NCOA2: variants seen among roughly 807,000 people sequenced by gnomAD.
NCOA2 encodes the protein nuclear receptor coactivator 2.
A neutral mutation model predicts 145.1 loss-of-function variants in NCOA2; 21 were observed. That is an observed-to-expected ratio of 0.14 (90% CI 0.10 to 0.21). The LOEUF is 0.21. Among genes scored for constraint, NCOA2 ranks in the 10% least tolerant of loss-of-function variants. The pLI, the probability that NCOA2 is intolerant of heterozygous loss-of-function variation, is 1.00. For synonymous variants in NCOA2, 619 were observed against 637.5 expected (o/e 0.97, Z 0.44); for missense variants, 1,472 against 1,837.6 (o/e 0.80, Z 3.64).
chr8:70,293,686 G>C (rs574133925), intron 2 of NCOA2, among the ~76,000 whole-genome samples: 30 of 152,268 alleles, frequency 2.0e-4, no homozygotes, highest in African/African-American at 7.0e-4. Context: ...TGTAGTGAAA[G>C]GAAAATTACA....
At chr8:70,403,847 C>CCCTCCTCCTCCTCCTCCT (rs528610374), upstream of NCOA2, 278 of 376,564 alleles carry the variant, frequency 7.4e-4, 3 homozygotes, top group South Asian at 5.1e-3. Context: ...TCCCCCAACT[C>CCCTCCTCCTCCTCCTCCT]CCTCCTCCTC....
chr8:70,318,460 G>A (rs1369828435), intron 1 of NCOA2, among the ~76,000 whole-genome samples: 1 of 151,982 alleles, frequency 6.6e-6, no homozygotes, highest in African/African-American at 2.4e-5. Flanking sequence ...TTCTCCTCCT[G>A]CTCAGTGCTC....
Position 70,126,504 on chromosome 8 carries a change from T to C in NCOA2, c.3916+309A>G, listed in dbSNP as rs1808425688. 1.1e-5 allele frequency: 4 copies of C among 356,292 alleles called. No individual in the cohort carries two copies. In the South Asian group the frequency reaches 2.7e-4, roughly 24 times the overall value. The allele number at this position is 356,292 out of a possible 1,614,324, so 22.1% of individuals were successfully genotyped here. A position where few individuals can be genotyped will look rare whatever the true frequency, so the allele number is the denominator to read the frequency against. ...GAACTTGTAGACATTGACATAAACA[T>C]AGATCCATACACGCTCGCACACAAG... On this transcript the variant is annotated intron_variant, in intron 19 of 22. Coordinates refer to ENST00000452400, the MANE Select transcript of NCOA2 (RefSeq NM_006540.4).
chr8:70,168,598 C>A (rs112096824), intron 6 of NCOA2, among the ~76,000 whole-genome samples: 1 of 152,104 alleles, frequency 6.6e-6, no homozygotes, highest in African/African-American at 2.4e-5. Context: ...TGGGATTACA[C>A]GGGTGAGCCA....
the NCOA2 span, among the ~76,000 whole-genome samples, chr8:70,429,678 G>A: frequency 6.6e-6 from 1 of 152,280 alleles, no homozygotes; most frequent in South Asian, 2.1e-4. Flanking sequence ...CATAAATGGA[G>A]AGTATAAAAG....
the NCOA2 span, among the ~76,000 whole-genome samples, chr8:70,439,601 G>A: frequency 6.6e-6 from 1 of 152,240 alleles, no homozygotes; most frequent in African/African-American, 2.4e-5. Context: ...CTGTCAGATA[G>A]AGAAGGAAGA....
intron 16 of NCOA2, among the ~76,000 whole-genome samples, chr8:70,130,103 C>T (rs563419305): frequency 6.6e-6 from 1 of 152,226 alleles, no homozygotes; most frequent in Non-Finnish European, 1.5e-5. Context: ...CAGGAGCCCA[C>T]TGCCCTCCCT....
At position 70,121,354 on chromosome 8, in the gene NCOA2, G is replaced by C; in HGVS notation, c.4331C>G (p.Pro1444Arg). ...DPALRGGNLF[P>R]NQLPGMDMIK... ...CATATCCATTCCAGGCAGCTGGTTT[G>C]GGAACAGGTTGCCTCCCCTCAGAGC... The change falls in exon 22 of 23, where the codon CCA becomes CGA. Residue 1444 changes from proline (P) to arginine (R), a missense_variant. Pro to Arg is a moderately radical substitution (Grantham distance 103, BLOSUM62 -2). Transcript: ENST00000452400. 1 of 1,612,988 alleles carries C rather than the reference G, an allele frequency of 6.2e-7. No homozygotes were observed. The highest frequency in any genetic ancestry group is 8.5e-7 in the Non-Finnish European group (1 of 1,179,478).
intron 13 of NCOA2, among the ~76,000 whole-genome samples, chr8:70,142,717 A>G (rs1810583404): frequency 6.6e-6 from 1 of 152,160 alleles, no homozygotes; most frequent in Non-Finnish European, 1.5e-5. Context: ...ACTAAAATAA[A>G]AAGTTAGAAG....
the NCOA2 span, among the ~76,000 whole-genome samples, chr8:70,441,527 AGAAAG>A: frequency 6.6e-6 from 1 of 150,972 alleles, no homozygotes; most frequent in South Asian, 2.1e-4. Context: ...GAAAAAGAGA[AGAAAG>A]GAAAGAAAGA....
intron 1 of NCOA2, among the ~76,000 whole-genome samples, chr8:70,316,945 A>G (rs922087724): frequency 3.9e-5 from 6 of 152,088 alleles, no homozygotes; most frequent in Admixed American, 3.3e-4. Flanking sequence ...TGTCTTCCTC[A>G]CACTGTTCGG....
At chr8:70,238,388 T>C (rs1821838190) in intron 2 of NCOA2, among the ~76,000 whole-genome samples, 1 of 151,380 alleles carries the variant, frequency 6.6e-6, no homozygotes, top group South Asian at 2.1e-4. Context: ...ACAATGTAAA[T>C]ATTGTTCCTA....
chr8:70,267,401 T>C (rs559075103), intron 2 of NCOA2, among the ~76,000 whole-genome samples: 18 of 149,520 alleles, frequency 1.2e-4, no homozygotes, highest in Middle Eastern at 3.4e-3. Context: ...TGTTTTTTTT[T>C]TTTTTTTTTT....
upstream of NCOA2, among the ~76,000 whole-genome samples, chr8:70,405,437 G>GTTTTTTTTTTTT (rs34814735): frequency 4.9e-4 from 29 of 59,388 alleles, 4 homozygotes; most frequent in Middle Eastern, 0.033. Context: ...ATTTTTAAAG[G>GTTTTTTTTTTTT]TTTTTTTTTT....
chr8:70,234,055 C>T (rs1438587718), intron 2 of NCOA2, among the ~76,000 whole-genome samples: 1 of 152,150 alleles, frequency 6.6e-6, no homozygotes, highest in East Asian at 1.9e-4. Flanking sequence ...CACTGATCTA[C>T]TCTCTATCTC....
intron 1 of NCOA2, among the ~76,000 whole-genome samples, chr8:70,310,153 C>A (rs1396144844): frequency 1.3e-5 from 2 of 151,596 alleles, no homozygotes; most frequent in Non-Finnish European, 2.9e-5. Context: ...CAGCAAGGGG[C>A]CAAGATGGTG....
chr8:70,167,490 T>C (rs908479391), intron 6 of NCOA2, among the ~76,000 whole-genome samples: 1 of 152,216 alleles, frequency 6.6e-6, no homozygotes, highest in Non-Finnish European at 1.5e-5. Flanking sequence ...ATCAATACTT[T>C]ACTAACTACT....
At chr8:70,119,605 T>C (rs1047506063) in intron 22 of NCOA2, among the ~76,000 whole-genome samples, 1 of 152,206 alleles carries the variant, frequency 6.6e-6, no homozygotes, top group East Asian at 1.9e-4. Context: ...CAAATGATAA[T>C]TCTGTTTTTA....
intron 1 of NCOA2, among the ~76,000 whole-genome samples, chr8:70,362,954 T>C (rs1440254132): frequency 6.6e-6 from 1 of 151,124 alleles, no homozygotes; most frequent in African/African-American, 2.4e-5. Flanking sequence ...GATGCATGCT[T>C]ATAGTCCCAG....
Sources: allele counts gnomAD v4.1 joint callset (sites outside exome capture counted in the v4.1 genomes callset), GRCh38; gene constraint gnomAD v4.1.1; transcripts MANE v1.5; gene names NCBI Gene and HGNC (gene_info 2026-07-23, HGNC 2026-07-21).